Variants in TDRP observed in about 807,000 individuals in gnomAD.
TDRP encodes the protein testis development related protein, also known as testis development-related protein.
In TDRP, 12 loss-of-function variants were observed where a neutral mutation model predicts 10.5. The ratio of observed to expected loss-of-function variants is 1.15; its 90% CI spans 0.73 to 1.86. The LOEUF (loss-of-function observed/expected upper bound fraction) is 1.86. TDRP is among the 40% of genes most tolerant of loss of function. The pLI is 0.00. For synonymous variants in TDRP, 139 were observed against 95.4 expected (o/e 1.46, Z -2.67); for missense variants, 353 against 229.2 (o/e 1.54, Z -3.49).
rs1800961494 is a variant in TDRP at position 491,172 on chromosome 8, CATGAAACAGCA to C, written c.*1216_*1226del. The C allele has an allele frequency of 6.5e-6, 1 of 153,834 alleles. No homozygotes were observed. The allele number at this position is 153,834 out of a possible 1,614,324, so 9.5% of individuals were successfully genotyped here. A position where few individuals can be genotyped will look rare whatever the true frequency, so the allele number is the denominator to read the frequency against. ...AACAAACGGAAGGAACATCCACATG[CATGAAACAGCA>C]CAGGAGTGCATGCCGAGCAACTCAG... On this transcript the variant is annotated 3_prime_UTR_variant, in exon 3 of 3. Coordinates refer to ENST00000324079, the MANE Select transcript of TDRP (RefSeq NM_001384899.1).
rs147677390 is a variant in TDRP, at chr8:512,609, G to C, written c.109-18012C>G. 2.4e-3 allele frequency among the ~76,000 whole-genome samples: 366 copies of C among 149,656 alleles called. 1 individual carries two copies. The highest frequency in any genetic ancestry group is 4.6e-3 in the Non-Finnish European group (313 of 67,566). On this transcript the variant is annotated intron_variant, in intron 1 of 2. Coordinates refer to ENST00000324079, the MANE Select transcript of TDRP (RefSeq NM_001384899.1). Reference sequence around the variant, plus strand: ...AAAAAAAGGCAACTTAGAAGAAATGGACAGATTCCCACAAAGACACAAACT... The same window carrying C: ...AAAAAAAGGCAACTTAGAAGAAATGCACAGATTCCCACAAAGACACAAACT...
intron 1 of TDRP, among the ~76,000 whole-genome samples, chr8:496,516 G>A (rs1022072334): frequency 3.3e-5 from 5 of 152,218 alleles, no homozygotes; most frequent in Admixed American, 3.3e-4. Flanking sequence ...CAAATGGCCA[G>A]GAAGCAAAGC....
At chr8:530,786 G>C (rs1408643733) in intron 1 of TDRP, among the ~76,000 whole-genome samples, 1 of 152,140 alleles carries the variant, frequency 6.6e-6, no homozygotes, top group Non-Finnish European at 1.5e-5. Flanking sequence ...ACAGGAATCA[G>C]TCTCTTGGGC....
chr8:494,741 A>G, intron 1 of TDRP, 144 bp from the exon 2 acceptor site: 1 of 673,262 alleles, frequency 1.5e-6, no homozygotes. Flanking sequence ...GTGCGCACAT[A>G]GTTTACTCCC....
At chr8:496,695 T>A (rs1385373193) in intron 1 of TDRP, among the ~76,000 whole-genome samples, 1 of 152,186 alleles carries the variant, frequency 6.6e-6, no homozygotes, top group Admixed American at 6.5e-5. Flanking sequence ...ACCACCTGCA[T>A]GTCCTAAAGG....
At chr8:497,620 G>A (rs2116724335) in intron 1 of TDRP, among the ~76,000 whole-genome samples, 1 of 152,334 alleles carries the variant, frequency 6.6e-6, no homozygotes, top group East Asian at 1.9e-4. Flanking sequence ...CCCTTTCTGG[G>A]AAGAAATTCA....
At chr8:492,770 T>C (rs1303642919) in intron 2 of TDRP, 26 bp from the exon 3 acceptor site, 3 of 1,546,298 alleles carry the variant, frequency 1.9e-6, no homozygotes, top group Admixed American at 3.8e-5. Flanking sequence ...GAGTTAGGTG[T>C]TGGTGACCCA....
chr8:505,780 C>A (rs948162585), intron 1 of TDRP, among the ~76,000 whole-genome samples: 1 of 152,202 alleles, frequency 6.6e-6, no homozygotes, highest in African/African-American at 2.4e-5. Flanking sequence ...TAAACACCCT[C>A]CGATGAACAT....
At chr8:516,209 A>T (rs1801753782) in intron 1 of TDRP, among the ~76,000 whole-genome samples, 1 of 152,190 alleles carries the variant, frequency 6.6e-6, no homozygotes, top group South Asian at 2.1e-4. Context: ...GGAGGTTCAC[A>T]TCTAACCTAT....
At position 492,782 on chromosome 8, in the gene TDRP, G is replaced by A. The variant is rs529558498; in HGVS notation, c.213-38C>T. 38 of 1,452,998 alleles carry A rather than the reference G, an allele frequency of 2.6e-5. No homozygotes were observed. The East Asian group carries it at 7.0e-4, about 27-fold the overall frequency. 90.0% of individuals were successfully genotyped at this position (1,452,998 alleles called of 1,614,324 possible). ...AAAGAGTTAGGTGTTGGTGACCCAG[G>A]TCTTAGGGCCTCAAGCTTTATCCAT... On this transcript the variant is annotated intron_variant, in intron 2 of 2. Coordinates refer to ENST00000324079, the MANE Select transcript of TDRP (RefSeq NM_001384899.1).
At chr8:497,274 C>A (rs1299097670) in intron 1 of TDRP, among the ~76,000 whole-genome samples, 1 of 152,142 alleles carries the variant, frequency 6.6e-6, no homozygotes, top group Non-Finnish European at 1.5e-5. Context: ...ACAATGAAGT[C>A]CAGGATTAGG....
intron 1 of TDRP, among the ~76,000 whole-genome samples, chr8:542,305 C>T (rs1238772009): frequency 6.6e-6 from 1 of 152,088 alleles, no homozygotes; most frequent in Non-Finnish European, 1.5e-5. Context: ...TGTGACACTA[C>T]AATGGTGGGC....
At chr8:494,001 T>G (rs55641557) in intron 2 of TDRP, among the ~76,000 whole-genome samples, 53 of 141,240 alleles carry the variant, frequency 3.8e-4, no homozygotes, top group South Asian at 1.4e-3. Flanking sequence ...TTGTTTTTTT[T>G]TTTTTTTTTT....
intron 1 of TDRP, among the ~76,000 whole-genome samples, chr8:504,539 G>C (rs1334460569): frequency 6.6e-6 from 1 of 152,176 alleles, no homozygotes; most frequent in Non-Finnish European, 1.5e-5. Flanking sequence ...TGTTCAAAGA[G>C]GCAGACTCTG....
chr8:526,824 T>C (rs578164866), intron 1 of TDRP, among the ~76,000 whole-genome samples: 17 of 152,180 alleles, frequency 1.1e-4, no homozygotes, highest in South Asian at 2.1e-4. Context: ...TTTACCACTG[T>C]TATTCAACGT....
upstream of TDRP, chr8:544,989 C>T (rs985781370): frequency 2.1e-4 from 68 of 320,062 alleles, no homozygotes; most frequent in Non-Finnish European, 3.6e-4. Context: ...AGAACCAGGC[C>T]CGCTCCAAGC....
chr8:535,989 A>C (rs1802340060), intron 1 of TDRP, among the ~76,000 whole-genome samples: 1 of 152,202 alleles, frequency 6.6e-6, no homozygotes, highest in Non-Finnish European at 1.5e-5. Flanking sequence ...TAAGAATAGC[A>C]GCTTTTAGAC....
chr8:543,958 C>G (rs1470246323), intron 1 of TDRP, among the ~76,000 whole-genome samples: 1 of 151,380 alleles, frequency 6.6e-6, no homozygotes, highest in Non-Finnish European at 1.5e-5. Context: ...GAGGGCACGT[C>G]TAAGGCACAC....
intron 2 of TDRP, among the ~76,000 whole-genome samples, chr8:493,370 G>A (rs529298074): frequency 6.6e-5 from 10 of 152,200 alleles, no homozygotes; most frequent in African/African-American, 1.7e-4. Context: ...TTAGCAGGTC[G>A]CCTGACAACC....
Sources: gnomAD v4.1 joint callset for allele counts (sites outside exome capture counted in the v4.1 genomes callset) on GRCh38, gnomAD v4.1.1 for gene constraint, MANE v1.5 for transcripts, NCBI Gene and HGNC (gene_info 2026-07-23, HGNC 2026-07-21) for gene names.